Variants in HECTD4 observed in about 807,000 individuals in gnomAD.
HECTD4 encodes HECT domain E3 ubiquitin protein ligase 4.
HECTD4 carries 114 observed loss-of-function variants against 471.5 expected under a neutral mutation model. The observed-to-expected ratio is 0.24, with a 90% confidence interval of 0.21 to 0.28. The LOEUF is 0.28. Among genes scored for constraint, HECTD4 ranks in the 10% least tolerant of loss-of-function variants. HECTD4 has a pLI of 1.00. For synonymous variants in HECTD4, 2,012 were observed against 2,256.0 expected, an observed-to-expected ratio of 0.89 and a Z score of 3.07; for missense variants, 3,866 against 5,651.5, an observed-to-expected ratio of 0.68 and a Z score of 10.13.
chr12:112,373,432 G>A (rs925079331), intron 1 of HECTD4, among the ~76,000 whole-genome samples: 1 of 152,008 alleles, frequency 6.6e-6, no homozygotes, highest in African/African-American at 2.4e-5. Flanking sequence ...TGAGGCAGAA[G>A]AATCACTTGA....
At chr12:112,317,184 C>G (rs1343697583) in intron 2 of HECTD4, among the ~76,000 whole-genome samples, 1 of 152,190 alleles carries the variant, frequency 6.6e-6, no homozygotes, top group African/African-American at 2.4e-5. Flanking sequence ...GAAAATAAAT[C>G]AATCCAATAT....
rs747115182 is a variant in HECTD4, at chr12:112,229,792, A to T, written c.6425T>A (p.Leu2142His). The T allele has an allele frequency of 6.2e-7, 1 of 1,614,002 alleles. No homozygotes were observed. Among genetic ancestry groups the T allele is most frequent in the East Asian group, 2.2e-5 (1 of 44,884 alleles). Residue 2142 changes from leucine (L) to histidine (H), a missense_variant, in exon 41 of 76, where the codon CTT (leucine) becomes CAT (histidine). Around this residue, in one of 16 missense-constraint regions of HECTD4, gnomAD observed 617 missense variants for 915.1 expected, o/e 0.67. Transcript: ENST00000682272. ...LENGSSSGRK[L>H]AKLQRIARQA... ...GCGTGCAATTCTCTGAAGTTTGGCA[A>T]GTTTCCTGCCACTGCTGCTGCCATT...
chr12:112,171,039 T>G, intron 68 of HECTD4, 78 bp downstream of exon 68: 1 of 1,291,194 alleles, frequency 7.7e-7, no homozygotes, highest in Non-Finnish European at 1.1e-6. Flanking sequence ...CCAAGGACGC[T>G]GCCCGTGGAT....
intron 8 of HECTD4, among the ~76,000 whole-genome samples, chr12:112,282,189 C>T: frequency 6.6e-6 from 1 of 152,140 alleles, no homozygotes; most frequent in Non-Finnish European, 1.5e-5. Context: ...CGAGACCATC[C>T]TGGCTAACAC....
intron 26 of HECTD4, 65 bp downstream of exon 26, chr12:112,248,255 T>A (rs2033804769): frequency 6.6e-7 from 1 of 1,522,332 alleles, no homozygotes; most frequent in Non-Finnish European, 8.9e-7. Context: ...AAAAATTAGA[T>A]CACATTCTAA....
intron 1 of HECTD4, among the ~76,000 whole-genome samples, chr12:112,327,123 C>T (rs568640236): frequency 5.3e-5 from 8 of 152,162 alleles, no homozygotes; most frequent in African/African-American, 1.4e-4. Context: ...GTCAAGAGTT[C>T]GAGACCAGCC....
intron 1 of HECTD4, among the ~76,000 whole-genome samples, chr12:112,358,581 C>G (rs1255584450): frequency 5.9e-5 from 9 of 152,014 alleles, no homozygotes; most frequent in African/African-American, 1.9e-4. Flanking sequence ...GAATATTATT[C>G]AGGGGTAGTA....
chr12:112,319,162 A>G lies in HECTD4; in HGVS notation c.695+63T>C. ...ATCAAATATACTTGGCCTCTTCTTC[A>G]TTCACCCAACCCAGGTGGCAGTAGT... On this transcript the variant is annotated intron_variant, in intron 2 of 75. Transcript: ENST00000682272. This position sits in a 1 kb window ranked among gnomAD's most constrained non-coding sequence, Gnocchi z 5.3. 19 of 1,489,324 alleles carry G rather than the reference A, an allele frequency of 1.3e-5. No individual in the cohort carries two copies. Among genetic ancestry groups the G allele is most frequent in the Non-Finnish European group, 1.7e-5 (19 of 1,114,598 alleles). 92.3% of individuals were successfully genotyped at this position (1,489,324 alleles called of 1,614,324 possible). A position where few individuals can be genotyped will look rare whatever the true frequency, so the allele number is the denominator to read the frequency against.
chr12:112,363,117 A>T (rs2036487036), intron 1 of HECTD4, among the ~76,000 whole-genome samples: 2 of 152,310 alleles, frequency 1.3e-5, no homozygotes, highest in South Asian at 4.1e-4. Context: ...TAGTTTTATT[A>T]CGCTAATCAG....
chr12:112,346,401 G>T (rs1010047263), intron 1 of HECTD4, among the ~76,000 whole-genome samples: 1 of 152,002 alleles, frequency 6.6e-6, no homozygotes, highest in Non-Finnish European at 1.5e-5. Context: ...CCTCCCCTCA[G>T]ATCACTTTGG....
At chr12:112,277,945 G>T (rs1008181316) in intron 9 of HECTD4, among the ~76,000 whole-genome samples, 4 of 152,076 alleles carry the variant, frequency 2.6e-5, no homozygotes, top group African/African-American at 4.8e-5. Flanking sequence ...ATTTTTACAT[G>T]TCTGTCTGCA....
chr12:112,365,546 G>A (rs1365274732), intron 1 of HECTD4, among the ~76,000 whole-genome samples: 1 of 152,184 alleles, frequency 6.6e-6, no homozygotes, highest in African/African-American at 2.4e-5. Flanking sequence ...ATAGCCACAT[G>A]TGGGTGGTGG....
intron 1 of HECTD4, among the ~76,000 whole-genome samples, chr12:112,337,397 CTAAT>C (rs1369784478): frequency 6.6e-6 from 1 of 152,066 alleles, no homozygotes; most frequent in Non-Finnish European, 1.5e-5. Flanking sequence ...AATATACTAT[CTAAT>C]TGAGCAGAAA....
At chr12:112,205,744 C>T (rs1050267139) in intron 52 of HECTD4, among the ~76,000 whole-genome samples, 1 of 151,948 alleles carries the variant, frequency 6.6e-6, no homozygotes, top group African/African-American at 2.4e-5. Context: ...GCGCGCACTA[C>T]CACACTCGGC....
At chr12:112,275,882 A>G (rs1055374763) in intron 9 of HECTD4, among the ~76,000 whole-genome samples, 7 of 152,174 alleles carry the variant, frequency 4.6e-5, no homozygotes, top group Non-Finnish European at 8.8e-5. Flanking sequence ...TTAACCATAC[A>G]TATGCTTTCT....
chr12:112,180,999 C>T (rs570132555), intron 62 of HECTD4, among the ~76,000 whole-genome samples: 52 of 151,930 alleles, frequency 3.4e-4, no homozygotes, highest in African/African-American at 1.2e-3. Flanking sequence ...CGGTGGCTCA[C>T]GCTTGTAGTC....
At position 112,228,311 on chromosome 12, in the gene HECTD4, T is replaced by A. The variant is rs897773685; in HGVS notation, c.6685-53A>T. 6.8e-7 allele frequency: 1 copy of A among 1,471,414 alleles called. No homozygotes were observed. The highest frequency in any genetic ancestry group is 1.4e-5 in the African/African-American group (1 of 69,646). 91.1% of individuals were successfully genotyped at this position (1,471,414 alleles called of 1,614,324 possible). The stretch of plus-strand genomic sequence containing the variant: ...AAGTTAAATTCAAGTAGTTAGTTTA[T>A]AAGAAATGAGGGTGTTATTATTATC... On this transcript the variant is annotated intron_variant, in intron 42 of 75. Coordinates refer to ENST00000682272, the MANE Select transcript of HECTD4 (RefSeq NM_001388303.1). The surrounding 1 kb of genome is among the most constrained non-coding windows in gnomAD (Gnocchi z 4.9).
intron 1 of HECTD4, among the ~76,000 whole-genome samples, chr12:112,348,809 G>A (rs1043163670): frequency 6.6e-6 from 1 of 151,952 alleles, no homozygotes; most frequent in Non-Finnish European, 1.5e-5. Flanking sequence ...AAATAAAAGT[G>A]CATGCATAGG....
At chr12:112,238,229 T>C (rs2135574641) in intron 34 of HECTD4, among the ~76,000 whole-genome samples, 1 of 152,294 alleles carries the variant, frequency 6.6e-6, no homozygotes, top group Non-Finnish European at 1.5e-5. Context: ...TTTACTTTTT[T>C]TTTTGAAACA....
Sources: gnomAD v4.1 joint callset for allele counts (sites outside exome capture counted in the v4.1 genomes callset) on GRCh38, gnomAD v4.1.1 for gene constraint, gnomAD v4.1.1 regional missense constraint, Gnocchi (gnomAD v3.1) non-coding constraint, MANE v1.5 for transcripts, NCBI Gene and HGNC (gene_info 2026-07-23, HGNC 2026-07-21) for gene names.